SMIM9: variants seen among roughly 807,000 people sequenced by gnomAD.
SMIM9 encodes the protein chromosome X open reading frame 68.
SMIM9 carries 8 observed loss-of-function variants against 7.2 expected under a neutral mutation model. The observed-to-expected ratio is 1.10, with a 90% CI of 0.65 to 1.99. The LOEUF is 1.99. Ranked by LOEUF, SMIM9 falls within the 30% of genes most tolerant of loss-of-function variation. SMIM9 has a pLI of 0.00. For missense variants in SMIM9, 76 were observed against 69.3 expected (o/e 1.10, Z -0.34); for synonymous variants, 19 against 26.4 (o/e 0.72, Z 0.86).
At chrX:154,832,120 C>T (rs781990464) in intron 2 of SMIM9, among the ~76,000 whole-genome samples, 31 of 110,922 alleles carry the variant, frequency 2.8e-4, no homozygotes, top group Admixed American at 4.8e-4. Flanking sequence ...GAATGAATGG[C>T]GACTTTTGGC....
At chrX:154,831,736 G>A (rs1222029270) in intron 2 of SMIM9, among the ~76,000 whole-genome samples, 3 of 110,580 alleles carry the variant, frequency 2.7e-5, no homozygotes, top group African/African-American at 1.0e-4. Context: ...TTTTGAACAA[G>A]CTAGGCATGT....
chrX:154,828,066 C>T (rs1168247935), intron 4 of SMIM9, among the ~76,000 whole-genome samples: 2 of 111,838 alleles, frequency 1.8e-5, no homozygotes, highest in African/African-American at 6.5e-5. Flanking sequence ...CACCCCCTAT[C>T]TTCCACAGGC....
At chrX:154,832,017 A>C (rs1157743705) in intron 2 of SMIM9, among the ~76,000 whole-genome samples, 4 of 111,442 alleles carry the variant, frequency 3.6e-5, no homozygotes, top group African/African-American at 1.3e-4. Context: ...AATATAATGT[A>C]AGCTCTATGA....
intron 4 of SMIM9, among the ~76,000 whole-genome samples, chrX:154,827,863 C>T (rs1603430779): frequency 1.8e-5 from 2 of 111,964 alleles, no homozygotes; most frequent in East Asian, 5.6e-4. Flanking sequence ...CAGCAGAAAG[C>T]CTCTACCTGT....
rs1044780415 is a variant in SMIM9, at chrX:154,829,483, C to G, written c.272+52G>C. On this transcript the variant is annotated intron_variant, in intron 4 of 4. Transcript: ENST00000369529. ...TGAGCAACCTGTTTCTGTTCCCACC[C>G]CCCTTCACATTCCCTCTCTCCTCCC... The G allele has an allele frequency of 2.1e-5, 24 of 1,149,959 alleles. 1 individual carries two copies. In the Admixed American group the frequency reaches 6.1e-4, roughly 29 times the overall value. 94.8% of individuals were successfully genotyped at this position (1,149,959 alleles called of 1,213,427 possible). A position where few individuals can be genotyped will look rare whatever the true frequency, so the allele number is the denominator to read the frequency against.
At chrX:154,825,340 C>T (rs1485992383) in intron 4 of SMIM9, among the ~76,000 whole-genome samples, 1 of 105,714 alleles carries the variant, frequency 9.5e-6, no homozygotes, top group Non-Finnish European at 1.9e-5. Flanking sequence ...TGCAGTGAGC[C>T]GAGATGGTGC....
Position 154,823,571 on chromosome X carries a change from G to A in SMIM9, c.*184C>T. The stretch of plus-strand genomic sequence containing the variant: ...ACTATTATAACCAAAACAGTAATAA[G>A]GATATTCACATTTTAAAATTGCAAC... On this transcript the variant is annotated 3_prime_UTR_variant, in exon 5 of 5. Transcript: ENST00000369529. 1 of 377,380 alleles carries A rather than the reference G, an allele frequency of 2.6e-6. No individual in the cohort carries two copies. Among genetic ancestry groups the A allele is most frequent in the Middle Eastern group, 3.9e-4 (1 of 2,558 alleles). 31.1% of individuals were successfully genotyped at this position (377,380 alleles called of 1,213,427 possible).
rs376427110 is a variant in SMIM9, at chrX:154,830,864, C to T, written c.-8G>A. On this transcript the variant is annotated 5_prime_UTR_variant, in exon 3 of 5. Transcript: ENST00000369529. ...CAGCTTCTGGGGTTCCATGGACTCC[C>T]GCCTTCAGCTGCGGCTGAAGAGCTG... is the stretch of plus-strand genomic sequence containing the variant. 63 of 1,161,721 alleles carry T rather than the reference C, an allele frequency of 5.4e-5. No individual in the cohort carries two copies. Among genetic ancestry groups the T allele is most frequent in the African/African-American group, 1.1e-4 (6 of 55,484 alleles).
chrX:154,826,571 A>G (rs2072422870), intron 4 of SMIM9, among the ~76,000 whole-genome samples: 1 of 112,212 alleles, frequency 8.9e-6, no homozygotes, highest in South Asian at 3.7e-4. Context: ...CTATTATTTT[A>G]TATTTTGTAT....
chrX:154,830,904 C>T lies in SMIM9; in HGVS notation c.-48G>A. On this transcript the variant is annotated 5_prime_UTR_variant, in exon 3 of 5. In the 5' UTR this introduces an upstream ATG that the reference lacks. Coordinates refer to ENST00000369529, the MANE Select transcript of SMIM9 (RefSeq NM_001162936.4). ...CTGAAGAGCTGGTAATCCTAGCTCACTCTGCCAAGGAGAGATGTCTTTGTC... is the reference window on the plus strand; with the variant it reads ...CTGAAGAGCTGGTAATCCTAGCTCATTCTGCCAAGGAGAGATGTCTTTGTC... 8.8e-7 allele frequency: 1 copy of T among 1,136,650 alleles called. No individual in the cohort carries two copies. The highest frequency in any genetic ancestry group is 1.2e-6 in the Non-Finnish European group (1 of 851,700). The allele number at this position is 1,136,650 out of a possible 1,213,427, so 93.7% of individuals were successfully genotyped here.
chrX:154,823,496 T>C lies in SMIM9; in HGVS notation c.*259A>G. ...TTCTGGTTGCTAGAATTATGGAAAC[T>C]TACTCTTTTCTCTGTATTTCTCAAA... On this transcript the variant is annotated 3_prime_UTR_variant, in exon 5 of 5. Coordinates refer to ENST00000369529, the MANE Select transcript of SMIM9 (RefSeq NM_001162936.4). 1 of 282,634 alleles carries C rather than the reference T, an allele frequency of 3.5e-6. No individual in the cohort carries two copies. Among genetic ancestry groups the C allele is most frequent in the South Asian group, 1.8e-4 (1 of 5,695 alleles). The allele number at this position is 282,634 out of a possible 1,213,427, so 23.3% of individuals were successfully genotyped here. A position where few individuals can be genotyped will look rare whatever the true frequency, so the allele number is the denominator to read the frequency against.
Position 154,832,656 on chromosome X carries a change from G to A in SMIM9, c.-182C>T, listed in dbSNP as rs1176830867. The A allele has an allele frequency of 6.3e-5, 7 of 111,690 alleles. No individual in the cohort carries two copies. The highest frequency in any genetic ancestry group is 2.0e-4 in the African/African-American group (6 of 30,687). 9.2% of individuals were successfully genotyped at this position (111,690 alleles called of 1,213,427 possible). A position where few individuals can be genotyped will look rare whatever the true frequency, so the allele number is the denominator to read the frequency against. On this transcript the variant is annotated 5_prime_UTR_variant, in exon 2 of 5. Transcript: ENST00000369529. ...CTTTAGAGGGCAGAAGTCTTCAGAA[G>A]AAGCTGGTCAGTCTTCTCCTTAGGT... is the stretch of plus-strand genomic sequence containing the variant.
intron 4 of SMIM9, among the ~76,000 whole-genome samples, chrX:154,824,046 T>C (rs1278772434): frequency 1.8e-5 from 2 of 111,529 alleles, no homozygotes; most frequent in Non-Finnish European, 3.8e-5. Flanking sequence ...GATCAAACAA[T>C]ACAGCTCATT....
At chrX:154,832,846 C>A (rs1186555673) in intron 1 of SMIM9, among the ~76,000 whole-genome samples, 163 bp from the exon 2 acceptor site, 5 of 112,154 alleles carry the variant, frequency 4.5e-5, no homozygotes, top group Non-Finnish European at 9.4e-5. Context: ...TAGTTCTATC[C>A]TCTTAGGCTT....
chrX:154,826,274 C>T (rs1343999451), intron 4 of SMIM9, among the ~76,000 whole-genome samples: 1 of 111,400 alleles, frequency 9.0e-6, no homozygotes, highest in Non-Finnish European at 1.9e-5. Context: ...ATATTTTGCA[C>T]CAATGTCTCT....
In SMIM9 at chrX:154,828,528, C is replaced by G. The variant is rs782003014; in HGVS notation, c.272+1007G>C. Among the ~76,000 whole-genome samples the G allele has an allele frequency of 5.4e-5, 6 of 111,630 alleles. No individual in the cohort carries two copies. The South Asian group carries it at 2.3e-3, about 42-fold the overall frequency. On this transcript the variant is annotated intron_variant, in intron 4 of 4. Coordinates refer to ENST00000369529, the MANE Select transcript of SMIM9 (RefSeq NM_001162936.4). The stretch of plus-strand genomic sequence containing the variant: ...GATCCATTATTCTCTATGGCTGCAT[C>G]TGAAGCAAATGTTGGGACCTTCGAA...
Position 154,829,580 on chromosome X carries a change from G to A in SMIM9, c.227C>T (p.Ala76Val). 1 of 1,167,852 alleles carries A rather than the reference G, an allele frequency of 8.6e-7. No individual in the cohort carries two copies. The highest frequency in any genetic ancestry group is 1.1e-6 in the Non-Finnish European group (1 of 872,984). The change falls in exon 4 of 5, where the codon GCT (alanine) becomes GTT (valine). Residue 76 changes from alanine (A) to valine (V), a missense_variant. Physicochemically the swap from Ala to Val is moderately conservative, Grantham distance 64. Transcript: ENST00000369529. The stretch of plus-strand genomic sequence containing the variant: ...CATTAGTGCTGAGGTGAGAAGAAAA[G>A]CAACAATGGCTGCTGGAGGTAAGGC... ...KSALPPAAIVAFLLTSALMGI... is the reference protein window; with the variant it reads ...KSALPPAAIVVFLLTSALMGI...
intron 4 of SMIM9, among the ~76,000 whole-genome samples, chrX:154,826,266 A>G (rs187621528): frequency 9.0e-6 from 1 of 110,992 alleles, no homozygotes; most frequent in East Asian, 2.8e-4. Context: ...TTTCTTTCAT[A>G]TTTTGCACCA....
chrX:154,823,888 C>T, intron 4 of SMIM9, 106 bp from the exon 5 acceptor site: 1 of 659,812 alleles, frequency 1.5e-6, no homozygotes, highest in Non-Finnish European at 2.1e-6. Flanking sequence ...TTAATATGAA[C>T]CAAATAATTC....
Sources: allele counts gnomAD v4.1 joint callset (sites outside exome capture counted in the v4.1 genomes callset), GRCh38; gene constraint gnomAD v4.1.1; transcripts MANE v1.5; gene names NCBI Gene and HGNC (gene_info 2026-07-23, HGNC 2026-07-21).